The following PYY variants were observed in gnomAD, a reference collection of about 807,000 sequenced individuals.
PYY encodes the protein peptide YY, also known as peptide tyrosine tyrosine.
PYY carries 12 observed loss-of-function variants against 10.3 expected under a neutral mutation model. The ratio of observed to expected loss-of-function variants is 1.17; its 90% CI spans 0.75 to 1.89. The LOEUF is 1.89. PYY is among the 40% of genes most tolerant of loss of function. The pLI is 0.00. For synonymous variants in PYY, 66 were observed against 62.0 expected, an observed-to-expected ratio of 1.06 and a Z score of -0.30; for missense variants, 141 against 134.0, an observed-to-expected ratio of 1.05 and a Z score of -0.26.
intron 1 of PYY, among the ~76,000 whole-genome samples, chr17:43,985,751 C>A (rs562407813): frequency 6.6e-6 from 1 of 152,172 alleles, no homozygotes; most frequent in African/African-American, 2.4e-5. Flanking sequence ...AAATTTGTTC[C>A]ATGAACAAAT....
chr17:44,002,472 A>C lies in PYY; in HGVS notation c.-463+1919T>G, dbSNP rs915310963. 2.6e-5 allele frequency among the ~76,000 whole-genome samples: 4 copies of C among 152,230 alleles called. 1 individual carries two copies. Among genetic ancestry groups the C allele is most frequent in the Admixed American group, 1.3e-4 (2 of 15,288 alleles). The stretch of plus-strand genomic sequence containing the variant: ...ACCTTGGCCAGGTCACCTCCCCTCT[A>C]CAACAACAGAGGGTCCTCTTTCCCC... On this transcript the variant is annotated intron_variant, in intron 1 of 6. Transcript: ENST00000360085.
intron 1 of PYY, among the ~76,000 whole-genome samples, chr17:44,003,635 A>G (rs1043892767): frequency 6.0e-5 from 8 of 132,944 alleles, no homozygotes; most frequent in African/African-American, 2.2e-4. Context: ...AGCCTGGGCA[A>G]TAGGGTGGGA....
chr17:43,954,552 A>C (rs538075334), upstream of PYY, among the ~76,000 whole-genome samples: 1 of 151,956 alleles, frequency 6.6e-6, no homozygotes, highest in African/African-American at 2.4e-5. Flanking sequence ...TCCTCTCTCT[A>C]TTAAAGAGTT....
In PYY at chr17:43,987,132, C is replaced by A. The variant is rs1485583465; in HGVS notation, c.-463+17259G>T. 1.3e-5 allele frequency among the ~76,000 whole-genome samples: 2 copies of A among 152,148 alleles called. No individual in the cohort carries two copies. The highest frequency in any genetic ancestry group is 2.9e-5 in the Non-Finnish European group (2 of 68,020). On this transcript the variant is annotated intron_variant, in intron 1 of 6. Transcript: ENST00000360085. This position sits in a 1 kb window ranked among gnomAD's most constrained non-coding sequence, Gnocchi z 4.0. ...CTGGTGGTCAGCACAGACATGGTGA[C>A]CGTGGCCCTGAAACCATGTCTCTAT...
At chr17:43,996,370 C>T (rs532751308) in intron 1 of PYY, among the ~76,000 whole-genome samples, 3 of 152,286 alleles carry the variant, frequency 2.0e-5, no homozygotes, top group African/African-American at 7.2e-5. Flanking sequence ...ACATGAGAAA[C>T]TCTGAACTAG....
chr17:44,002,125 C>G (rs1301830440), intron 1 of PYY, among the ~76,000 whole-genome samples: 1 of 152,154 alleles, frequency 6.6e-6, no homozygotes, highest in African/African-American at 2.4e-5. Context: ...CCCAAGATTT[C>G]TAAGTGGGAA....
intron 1 of PYY, among the ~76,000 whole-genome samples, chr17:43,983,242 CA>C (rs1342915192): frequency 1.3e-5 from 2 of 151,798 alleles, no homozygotes; most frequent in African/African-American, 4.8e-5. Context: ...AACAAACAAA[CA>C]AAAAACAACA....
At chr17:43,977,814 A>T (rs925977169) in intron 1 of PYY, among the ~76,000 whole-genome samples, 1 of 152,040 alleles carries the variant, frequency 6.6e-6, no homozygotes, top group Admixed American at 6.6e-5. Context: ...TGAGATGGAG[A>T]TTTCCTCTAG....
intron 1 of PYY, among the ~76,000 whole-genome samples, chr17:44,000,588 A>G (rs1285773442): frequency 1.7e-5 from 2 of 116,672 alleles, no homozygotes; most frequent in East Asian, 2.5e-4. Flanking sequence ...TTTTTTTGAG[A>G]CTGAGTCTTG....
At chr17:43,955,146 C>T (rs541382118), upstream of PYY, among the ~76,000 whole-genome samples, 283 of 152,280 alleles carry the variant, frequency 1.9e-3, 2 homozygotes, top group African/African-American at 6.2e-3. Flanking sequence ...CTCTGAGAGG[C>T]GGAGTAGGGG....
chr17:43,962,898 C>T (rs1409490290), intron 2 of PYY, among the ~76,000 whole-genome samples: 8 of 152,108 alleles, frequency 5.3e-5, no homozygotes, highest in Non-Finnish European at 8.8e-5. Context: ...AGCACTGACC[C>T]GCCAGGGCTC....
chr17:43,967,029 G>A (rs1018857664), intron 1 of PYY, among the ~76,000 whole-genome samples: 6 of 152,292 alleles, frequency 3.9e-5, no homozygotes, highest in Admixed American at 1.3e-4. Context: ...AAGGCCAGAC[G>A]CGGTGGCTCA....
At chr17:43,972,153 A>G (rs1234242514) in intron 1 of PYY, among the ~76,000 whole-genome samples, 3 of 150,464 alleles carry the variant, frequency 2.0e-5, no homozygotes, top group Non-Finnish European at 4.4e-5. Context: ...GGTCAATTTT[A>G]TTTTATGTTA....
intron 1 of PYY, among the ~76,000 whole-genome samples, chr17:44,002,802 G>A (rs1308444715): frequency 6.6e-6 from 1 of 152,126 alleles, no homozygotes; most frequent in Non-Finnish European, 1.5e-5. Flanking sequence ...GTCACTGAGA[G>A]GATTAAATGA....
At chr17:44,002,733 T>A (rs2049037377) in intron 1 of PYY, among the ~76,000 whole-genome samples, 1 of 152,216 alleles carries the variant, frequency 6.6e-6, no homozygotes, top group Admixed American at 6.5e-5. Context: ...TCCTCACATA[T>A]TTCTGTACCT....
intron 1 of PYY, among the ~76,000 whole-genome samples, chr17:43,991,918 A>C (rs2048959370): frequency 6.6e-6 from 1 of 151,424 alleles, no homozygotes; most frequent in Admixed American, 6.6e-5. Context: ...CAGGAGATGG[A>C]GACTACCCTG....
At chr17:43,959,576 C>T (rs1445267569) in intron 2 of PYY, among the ~76,000 whole-genome samples, 2 of 152,018 alleles carry the variant, frequency 1.3e-5, no homozygotes, top group South Asian at 2.1e-4. Context: ...CAGCTACTTG[C>T]GAGACTGAGG....
At chr17:43,953,019 C>A (rs2048642206) in intron 3 of PYY, 39 bp from the exon 4 acceptor site, 5 of 1,584,574 alleles carry the variant, frequency 3.2e-6, no homozygotes, top group Non-Finnish European at 4.3e-6. Flanking sequence ...TCTGGGGAGG[C>A]GAGCCTGGGA....
chr17:43,988,093 G>C (rs985565077), intron 1 of PYY, among the ~76,000 whole-genome samples: 1 of 152,134 alleles, frequency 6.6e-6, no homozygotes, highest in African/African-American at 2.4e-5. Flanking sequence ...GAGAGGAGAA[G>C]GTGACCCGTG....
Sources: allele counts gnomAD v4.1 joint callset (sites outside exome capture counted in the v4.1 genomes callset), GRCh38; gene constraint gnomAD v4.1.1; non-coding constraint Gnocchi (gnomAD v3.1); transcripts MANE v1.5; gene names NCBI Gene and HGNC (gene_info 2026-07-23, HGNC 2026-07-21).